CSGALNACT1: variants seen among roughly 807,000 people sequenced by gnomAD.
CSGALNACT1 encodes beta4GalNAcT-1.
CSGALNACT1 carries 52 observed loss-of-function variants against 51.0 expected under a neutral mutation model. The observed-to-expected ratio is 1.02, with a 90% CI of 0.82 to 1.29. CSGALNACT1 has a LOEUF of 1.29. Ranked by LOEUF, CSGALNACT1 falls within the 50% of genes most tolerant of loss-of-function variation. CSGALNACT1 has a pLI of 0.00. For synonymous variants in CSGALNACT1, 341 were observed against 254.4 expected (o/e 1.34, Z -3.24); for missense variants, 935 against 679.2 (o/e 1.38, Z -4.19).
At chr8:19,743,069 C>T (rs1359645098) in intron 1 of CSGALNACT1, among the ~76,000 whole-genome samples, 5 of 152,304 alleles carry the variant, frequency 3.3e-5, no homozygotes, top group Non-Finnish European at 7.3e-5. Context: ...AAACAACTCA[C>T]AATAAACTCT....
exon 6 of CSGALNACT1, chr8:19,439,850 T>G: frequency 6.2e-7 from 1 of 1,614,070 alleles, no homozygotes; most frequent in Non-Finnish European, 8.5e-7. Flanking sequence ...TTTCAAGTAT[T>G]CCTTTGACTT....
At chr8:19,642,747 C>T (rs1057066528) in intron 1 of CSGALNACT1, among the ~76,000 whole-genome samples, 12 of 151,474 alleles carry the variant, frequency 7.9e-5, no homozygotes, top group Non-Finnish European at 1.3e-4. Flanking sequence ...TGTGCTTTCA[C>T]CACTGCACTC....
chr8:19,693,779 C>A (rs2061447992), intron 1 of CSGALNACT1, among the ~76,000 whole-genome samples: 1 of 152,168 alleles, frequency 6.6e-6, no homozygotes, highest in African/African-American at 2.4e-5. Context: ...TCGGGACAAG[C>A]CAGTCTCCAC....
chr8:19,404,241 C>A (rs1475285457), exon 10 of CSGALNACT1: 4 of 419,106 alleles, frequency 9.5e-6, no homozygotes, highest in Non-Finnish European at 1.4e-5. Flanking sequence ...ATTTCATAAA[C>A]TACCAGTACA....
intron 1 of CSGALNACT1, among the ~76,000 whole-genome samples, chr8:19,624,687 T>C (rs1445301723): frequency 6.6e-6 from 1 of 151,898 alleles, no homozygotes; most frequent in Non-Finnish European, 1.5e-5. Flanking sequence ...TTTTTTTTTT[T>C]TCTTTTCTTG....
intron 8 of CSGALNACT1, among the ~76,000 whole-genome samples, chr8:19,418,367 A>C (rs1032576948): frequency 1.3e-5 from 2 of 152,208 alleles, no homozygotes; most frequent in Non-Finnish European, 1.5e-5. Flanking sequence ...ACTGTACTGC[A>C]TCCATAATGC....
At chr8:19,536,153 T>C (rs1055076007) in intron 3 of CSGALNACT1, among the ~76,000 whole-genome samples, 1 of 152,186 alleles carries the variant, frequency 6.6e-6, no homozygotes, top group Non-Finnish European at 1.5e-5. Context: ...TGACACTTAA[T>C]TGCATAATGT....
chr8:19,504,145 C>A (rs984913513), intron 4 of CSGALNACT1, among the ~76,000 whole-genome samples: 1 of 151,718 alleles, frequency 6.6e-6, no homozygotes. Flanking sequence ...GGTGTGATCT[C>A]GGCTCACTGC....
intron 1 of CSGALNACT1, among the ~76,000 whole-genome samples, chr8:19,709,730 C>G (rs928636057): frequency 6.6e-6 from 1 of 152,188 alleles, no homozygotes; most frequent in Admixed American, 6.5e-5. Flanking sequence ...GCCTGCCCCC[C>G]CGCCCAGAGT....
intron 1 of CSGALNACT1, among the ~76,000 whole-genome samples, chr8:19,668,058 A>T (rs1057103109): frequency 2.0e-5 from 3 of 152,220 alleles, no homozygotes; most frequent in African/African-American, 7.2e-5. Context: ...CATATATTAC[A>T]TCCTTTAACT....
intron 3 of CSGALNACT1, among the ~76,000 whole-genome samples, chr8:19,512,388 C>T (rs2078636204): frequency 6.6e-6 from 1 of 152,216 alleles, no homozygotes; most frequent in Non-Finnish European, 1.5e-5. Flanking sequence ...AGCTAAGCTG[C>T]TCCCAGACTC....
intron 4 of CSGALNACT1, among the ~76,000 whole-genome samples, chr8:19,473,916 T>C (rs1449562708): frequency 6.6e-6 from 1 of 152,232 alleles, no homozygotes; most frequent in African/African-American, 2.4e-5. Context: ...ATAAAATGAA[T>C]TGACCTGTAT....
chr8:19,458,571 A>T, exon 5 of CSGALNACT1: 1 of 1,614,172 alleles, frequency 6.2e-7, no homozygotes, highest in South Asian at 1.1e-5. Context: ...AGCCGTTTGA[A>T]TTCGTGTTTG....
chr8:19,578,408 AG>A (rs1360013338), intron 3 of CSGALNACT1, among the ~76,000 whole-genome samples: 1 of 152,168 alleles, frequency 6.6e-6, no homozygotes, highest in Non-Finnish European at 1.5e-5. Flanking sequence ...TGCTGCCTGG[AG>A]GAAGAAGACA....
intron 1 of CSGALNACT1, among the ~76,000 whole-genome samples, chr8:19,631,282 G>A (rs2055220052): frequency 1.3e-5 from 2 of 152,030 alleles, no homozygotes; most frequent in East Asian, 1.9e-4. Flanking sequence ...CTGCCAAACT[G>A]TCTTCCCAAG....
chr8:19,420,442 C>T, exon 7 of CSGALNACT1: 2 of 1,614,188 alleles, frequency 1.2e-6, no homozygotes, highest in South Asian at 1.1e-5. Context: ...CAGAAGCGGG[C>T]TCCAACATCA....
At chr8:19,471,275 G>T (rs2068101640) in intron 4 of CSGALNACT1, among the ~76,000 whole-genome samples, 1 of 152,170 alleles carries the variant, frequency 6.6e-6, no homozygotes, top group East Asian at 1.9e-4. Context: ...CACTGCGCAT[G>T]CGGAAAGCCT....
chr8:19,601,375 G>A (rs1168197889), intron 2 of CSGALNACT1, among the ~76,000 whole-genome samples: 1 of 152,150 alleles, frequency 6.6e-6, no homozygotes, highest in African/African-American at 2.4e-5. Flanking sequence ...TGATGACAGG[G>A]TGACTATTTT....
At chr8:19,517,545 C>G (rs2079806491) in intron 3 of CSGALNACT1, among the ~76,000 whole-genome samples, 1 of 152,144 alleles carries the variant, frequency 6.6e-6, no homozygotes, top group African/African-American at 2.4e-5. Flanking sequence ...TTTCATACTG[C>G]TGATAAAGAC....
Sources: allele counts gnomAD v4.1 joint callset (sites outside exome capture counted in the v4.1 genomes callset), GRCh38; gene constraint gnomAD v4.1.1; transcripts MANE v1.5; gene names NCBI Gene and HGNC (gene_info 2026-07-23, HGNC 2026-07-21).